DIAPH1: variants seen among roughly 807,000 people sequenced by gnomAD.
DIAPH1 encodes the protein protein diaphanous homolog 1.
In DIAPH1, 46 loss-of-function variants were observed where a neutral mutation model predicts 140.7. The observed-to-expected ratio is 0.33, with a 90% CI of 0.26 to 0.42. DIAPH1 has a LOEUF of 0.42. DIAPH1 is among the 10% of genes least tolerant of loss of function. The pLI, the probability that DIAPH1 is intolerant of heterozygous loss-of-function variation, is 1.00. For missense variants in DIAPH1, 1,310 were observed against 1,558.7 expected, an observed-to-expected ratio of 0.84 and a Z score of 2.69; for synonymous variants, 565 against 551.6, an observed-to-expected ratio of 1.02 and a Z score of -0.34.
At position 141,516,930 on chromosome 5, in the gene DIAPH1, G is replaced by A; in HGVS notation, c.3740C>T (p.Pro1247Leu). 1 of 1,614,246 alleles carries A rather than the reference G, an allele frequency of 6.2e-7. No homozygotes were observed. The highest frequency in any genetic ancestry group is 1.7e-4 in the Middle Eastern group (1 of 6,060). Residue 1247 changes from proline (P) to leucine (L), a missense_variant, in exon 28 of 28, where the codon CCT becomes CTT. Coordinates refer to ENST00000389054, the MANE Select transcript of DIAPH1 (RefSeq NM_005219.5). ...LTKDDAMAAVPAKVSKNSETF... is the reference protein window; with the variant it reads ...LTKDDAMAAVLAKVSKNSETF... Reference sequence around the variant, plus strand: ...CTCACTGTTCTTGGACACCTTGGCAGGAACAGCAGCCATGGCATCATCCTT... The same window carrying A: ...CTCACTGTTCTTGGACACCTTGGCAAGAACAGCAGCCATGGCATCATCCTT...
intron 18 of DIAPH1, among the ~76,000 whole-genome samples, chr5:141,537,777 T>C (rs889023619): frequency 2.6e-5 from 4 of 152,334 alleles, no homozygotes; most frequent in East Asian, 1.9e-4. Context: ...GGATAGGTTA[T>C]GTATTAGACT....
At position 141,578,502 on chromosome 5, in the gene DIAPH1, T is replaced by G; in HGVS notation, c.1044+13A>C. ...AACCAGTCTAGCCTTTCTAATGAAG[T>G]GTAATATCTTACCTGCAACACCTGA... On this transcript the variant is annotated intron_variant, in intron 10 of 27. Transcript: ENST00000389054. The G allele has an allele frequency of 1.2e-6, 2 of 1,603,780 alleles. No individual in the cohort carries two copies. The highest frequency in any genetic ancestry group is 1.7e-6 in the Non-Finnish European group (2 of 1,170,576).
intron 1 of DIAPH1, among the ~76,000 whole-genome samples, chr5:141,612,227 A>G (rs1415905133): frequency 2.6e-5 from 4 of 152,232 alleles, no homozygotes; most frequent in African/African-American, 9.6e-5. Context: ...AACAGTTTGG[A>G]AAACAGTTTG....
At chr5:141,566,453 G>C (rs371709677) in intron 18 of DIAPH1, among the ~76,000 whole-genome samples, 2 of 152,176 alleles carry the variant, frequency 1.3e-5, no homozygotes, top group Non-Finnish European at 2.9e-5. Context: ...GTGACATAAC[G>C]ATGTCATAAG....
rs112027720 is a variant in DIAPH1 at position 141,579,903 on chromosome 5, G to T, written c.825-707C>A. 1.5e-3 allele frequency among the ~76,000 whole-genome samples: 222 copies of T among 150,222 alleles called. 1 individual carries two copies. Among genetic ancestry groups the T allele is most frequent in the African/African-American group, 5.2e-3 (214 of 40,764 alleles). On this transcript the variant is annotated intron_variant, in intron 8 of 27. Coordinates refer to ENST00000389054, the MANE Select transcript of DIAPH1 (RefSeq NM_005219.5). ...GAGGAGTTTGCAGTGGGCCGAGATC[G>T]CGCCACTGCACTCCAGCCTGGGGAA...
At chr5:141,553,599 C>T (rs1190290402) in intron 18 of DIAPH1, among the ~76,000 whole-genome samples, 1 of 151,782 alleles carries the variant, frequency 6.6e-6, no homozygotes, top group Non-Finnish European at 1.5e-5. Context: ...GCCAAGATCA[C>T]ACCACTGCAC....
chr5:141,568,665 G>A (rs1422460153), intron 18 of DIAPH1, among the ~76,000 whole-genome samples: 1 of 152,140 alleles, frequency 6.6e-6, no homozygotes, highest in Non-Finnish European at 1.5e-5. Flanking sequence ...TTTCACTACA[G>A]GAGGCAAATG....
intron 18 of DIAPH1, among the ~76,000 whole-genome samples, chr5:141,570,889 G>C (rs2099895083): frequency 6.6e-6 from 1 of 152,094 alleles, no homozygotes. Context: ...GGGCAAAGTA[G>C]ATCAGCTCTT....
chr5:141,555,247 G>A (rs1314978224), intron 18 of DIAPH1, among the ~76,000 whole-genome samples: 1 of 152,206 alleles, frequency 6.6e-6, no homozygotes, highest in Non-Finnish European at 1.5e-5. Context: ...ATGTAACTAT[G>A]TGTAAATTTT....
intron 27 of DIAPH1, among the ~76,000 whole-genome samples, chr5:141,518,074 C>T (rs888996743): frequency 1.3e-5 from 2 of 152,074 alleles, no homozygotes; most frequent in Admixed American, 6.6e-5. Context: ...TCAGCTTCTG[C>T]GAAATGTCCA....
At position 141,583,563 on chromosome 5, in the gene DIAPH1, A is replaced by T; in HGVS notation, c.455T>A (p.Leu152Ter). 1 of 1,614,198 alleles carries T rather than the reference A, an allele frequency of 6.2e-7. No individual in the cohort carries two copies. The highest frequency in any genetic ancestry group is 2.2e-5 in the East Asian group (1 of 44,888). The change falls in exon 5 of 28, where the codon TTG becomes TAG. Residue 152 changes from leucine (L) to a stop codon, truncating the protein, a stop_gained. Coordinates refer to ENST00000389054, the MANE Select transcript of DIAPH1 (RefSeq NM_005219.5). LOFTEE classifies it high-confidence loss of function. ...AGGCATATCCCGCAAGCCTGACCTC[A>T]ACTCCTGAATATACATCATGGCAGA... ...SKSAMMYIQE[L>*]RSGLRDMPLL...
At chr5:141,562,639 A>T (rs1389221405) in intron 18 of DIAPH1, among the ~76,000 whole-genome samples, 1 of 151,398 alleles carries the variant, frequency 6.6e-6, no homozygotes, top group Non-Finnish European at 1.5e-5. Flanking sequence ...AAAAACAGAT[A>T]ACAGAGAAGC....
In DIAPH1 at chr5:141,573,853, G is replaced by C; in HGVS notation, c.1997C>G (p.Pro666Arg). ...PLPEGVGIPS[P>R]SSLPGGTAIP... ...GGCAGTACCTCCAGGCAAAGAAGAG[G>C]GTGAAGGGATGCCAACACCCTCAGG... Residue 666 changes from proline (P) to arginine (R), a missense_variant, in exon 16 of 28, where the codon CCC becomes CGC. By Grantham distance (103) the Pro-to-Arg change is moderately radical. Transcript: ENST00000389054. The C allele has an allele frequency of 6.5e-7, 1 of 1,532,756 alleles. No individual in the cohort carries two copies. The highest frequency in any genetic ancestry group is 8.8e-7 in the Non-Finnish European group (1 of 1,137,970). 94.9% of individuals were successfully genotyped at this position (1,532,756 alleles called of 1,614,324 possible). A position where few individuals can be genotyped will look rare whatever the true frequency, so the allele number is the denominator to read the frequency against.
At chr5:141,517,150 G>C in intron 27 of DIAPH1, 142 bp from the exon 28 acceptor site, 1 of 890,042 alleles carries the variant, frequency 1.1e-6, no homozygotes, top group Non-Finnish European at 1.8e-6. Context: ...GAAGAAAGGG[G>C]CAGAGATCCA....
chr5:141,524,501 A>C, intron 26 of DIAPH1: 3 of 484,914 alleles, frequency 6.2e-6, no homozygotes, highest in Non-Finnish European at 1.1e-5. Context: ...CCCCACCCCA[A>C]TCAGGACTAG....
intron 18 of DIAPH1, among the ~76,000 whole-genome samples, chr5:141,539,443 G>T (rs370690481): frequency 0.058 from 3,942 of 67,722 alleles, 46 homozygotes; most frequent in African/African-American, 0.096. Context: ...TTTTTTTTTT[G>T]GTATTTTTAG....
At position 141,591,712 on chromosome 5, in the gene DIAPH1, A is replaced by ATATATATT. The variant is rs1554211010; in HGVS notation, c.118-3463_118-3462insAATATATA. Among the ~76,000 whole-genome samples the ATATATATT allele has an allele frequency of 9.8e-5, 7 of 71,674 alleles. 1 individual carries two copies. Among genetic ancestry groups the ATATATATT allele is most frequent in the Non-Finnish European group, 2.1e-4 (7 of 32,652 alleles). The allele number at this position is 71,674 out of a possible 152,430, so 47.0% of individuals were successfully genotyped here. A position where few individuals can be genotyped will look rare whatever the true frequency, so the allele number is the denominator to read the frequency against. On this transcript the variant is annotated intron_variant, in intron 1 of 27. Coordinates refer to ENST00000389054, the MANE Select transcript of DIAPH1 (RefSeq NM_005219.5). ...GAGATGGGGATATATATATATATAT[A>ATATATATT]TATATATATATATATGAAGGAAGAT...
At chr5:141,537,274 G>A (rs1328359110) in intron 18 of DIAPH1, among the ~76,000 whole-genome samples, 1 of 151,586 alleles carries the variant, frequency 6.6e-6, no homozygotes, top group Non-Finnish European at 1.5e-5. Context: ...ACCTGAAGTC[G>A]GGAGTTCGAG....
chr5:141,562,900 C>T (rs1458468094), intron 18 of DIAPH1, among the ~76,000 whole-genome samples: 1 of 152,148 alleles, frequency 6.6e-6, no homozygotes, highest in Admixed American at 6.5e-5. Flanking sequence ...TCACCCCAAT[C>T]CTTAGTTCTG....
Sources: gnomAD v4.1 joint callset for allele counts (sites outside exome capture counted in the v4.1 genomes callset) on GRCh38, gnomAD v4.1.1 for gene constraint, MANE v1.5 for transcripts, NCBI Gene and HGNC (gene_info 2026-07-23, HGNC 2026-07-21) for gene names.